Variants in MTMR2 observed in about 807,000 individuals in gnomAD.
The protein encoded by MTMR2 is phosphatidylinositol-3,5-bisphosphate 3-phosphatase MTMR2.
Under a neutral mutation model 86.9 loss-of-function variants are expected in MTMR2, and 55 were observed. The ratio of observed to expected loss-of-function variants is 0.63; its 90% CI spans 0.51 to 0.79. MTMR2 has a LOEUF of 0.79. Ranked by LOEUF, MTMR2 falls within the 30% of genes least tolerant of loss-of-function variation. MTMR2 has a pLI of 0.00. For synonymous variants in MTMR2, 241 were observed against 266.8 expected (o/e 0.90, Z 0.94); for missense variants, 659 against 772.3 (o/e 0.85, Z 1.74).
intron 5 of MTMR2, 93 bp from the exon 6 acceptor site, chr11:95,858,725 G>C: frequency 1.2e-6 from 1 of 855,280 alleles, no homozygotes; most frequent in Non-Finnish European, 1.9e-6. Flanking sequence ...AAAATGTTAA[G>C]ATCTGTGAAT....
chr11:95,834,912 A>AAAAC lies in MTMR2; in HGVS notation c.*374_*377dup, dbSNP rs1362993204. The stretch of plus-strand genomic sequence containing the variant: ...GCCACAGAATTTCAGTGTTGGTTTG[A>AAAAC]AAACTGATGTTCCTCTGCACAGTGA... On this transcript the variant is annotated 3_prime_UTR_variant, in exon 15 of 15. Coordinates refer to ENST00000346299, the MANE Select transcript of MTMR2 (RefSeq NM_016156.6). 1 of 244,456 alleles carries AAAAC rather than the reference A, an allele frequency of 4.1e-6. No individual in the cohort carries two copies. Among genetic ancestry groups the AAAAC allele is most frequent in the Admixed American group, 4.9e-5 (1 of 20,250 alleles). The allele number at this position is 244,456 out of a possible 1,614,324, so 15.1% of individuals were successfully genotyped here.
At chr11:95,897,657 T>G (rs1431631908) in intron 1 of MTMR2, among the ~76,000 whole-genome samples, 3 of 152,160 alleles carry the variant, frequency 2.0e-5, no homozygotes, top group Admixed American at 2.0e-4. Context: ...TATCAGAAAC[T>G]ACACCTATTT....
At chr11:95,880,934 T>G (rs1390587771) in intron 2 of MTMR2, among the ~76,000 whole-genome samples, 1 of 152,076 alleles carries the variant, frequency 6.6e-6, no homozygotes, top group Non-Finnish European at 1.5e-5. Flanking sequence ...GTTGGTAAAT[T>G]TTAGCACAAT....
intron 3 of MTMR2, 128 bp downstream of exon 3, chr11:95,865,473 G>A (rs1197646943): frequency 2.1e-5 from 18 of 864,982 alleles, no homozygotes; most frequent in Non-Finnish European, 2.8e-5. Context: ...TGAGAAGACT[G>A]CAGGTAAAGA....
chr11:95,855,748 T>C (rs1031368413), intron 7 of MTMR2, among the ~76,000 whole-genome samples: 6 of 152,202 alleles, frequency 3.9e-5, no homozygotes, highest in Non-Finnish European at 8.8e-5. Context: ...ACAAAGTGCC[T>C]TTCTATATGT....
At chr11:95,836,655 A>T (rs1459485539) in intron 13 of MTMR2, among the ~76,000 whole-genome samples, 1 of 152,048 alleles carries the variant, frequency 6.6e-6, no homozygotes, top group East Asian at 1.9e-4. Flanking sequence ...AAGTCCATCA[A>T]CTGACGAATG....
chr11:95,849,595 T>G, intron 9 of MTMR2, 79 bp downstream of exon 9: 2 of 1,278,356 alleles, frequency 1.6e-6, no homozygotes, highest in Non-Finnish European at 2.3e-6. Flanking sequence ...GAGCCTGAGC[T>G]CTTTTTACTA....
intron 2 of MTMR2, among the ~76,000 whole-genome samples, chr11:95,885,178 C>T (rs1214109424): frequency 6.6e-6 from 1 of 152,086 alleles, no homozygotes; most frequent in Non-Finnish European, 1.5e-5. Context: ...TTACGTCTAA[C>T]GTTAAACCTG....
chr11:95,861,959 C>A, intron 5 of MTMR2, 33 bp downstream of exon 5: 1 of 1,488,760 alleles, frequency 6.7e-7, no homozygotes, highest in South Asian at 1.1e-5. Context: ...CTTTTCAAAC[C>A]AAAGAAAATC....
At chr11:95,871,967 C>T (rs972024720) in intron 2 of MTMR2, among the ~76,000 whole-genome samples, 1 of 152,114 alleles carries the variant, frequency 6.6e-6, no homozygotes, top group African/African-American at 2.4e-5. Context: ...AGCCAGTTTT[C>T]CCAGCACTGT....
At chr11:95,843,672 A>G (rs1233438070) in intron 11 of MTMR2, among the ~76,000 whole-genome samples, 1 of 152,212 alleles carries the variant, frequency 6.6e-6, no homozygotes, top group Non-Finnish European at 1.5e-5. Context: ...GCTATCTTCT[A>G]TTAAGCCAAA....
intron 1 of MTMR2, among the ~76,000 whole-genome samples, chr11:95,910,147 A>ACC (rs1555074856): frequency 1.1e-4 from 17 of 150,788 alleles, no homozygotes; most frequent in South Asian, 2.1e-4. Context: ...ACACACACAC[A>ACC]CCCTACATGA....
intron 8 of MTMR2, 68 bp from the exon 9 acceptor site, chr11:95,849,930 C>T: frequency 1.4e-6 from 2 of 1,384,672 alleles, no homozygotes; most frequent in South Asian, 1.2e-5. Flanking sequence ...AAAAACAGTA[C>T]TCAGTAAAGC....
At chr11:95,876,905 A>T (rs1216576992) in intron 2 of MTMR2, among the ~76,000 whole-genome samples, 5 of 152,122 alleles carry the variant, frequency 3.3e-5, no homozygotes, top group Non-Finnish European at 7.4e-5. Context: ...ATTACTATAA[A>T]CTCGATCTAG....
chr11:95,877,608 A>G (rs1429599770), intron 2 of MTMR2, among the ~76,000 whole-genome samples: 1 of 152,058 alleles, frequency 6.6e-6, no homozygotes, highest in African/African-American at 2.4e-5. Context: ...TGCAGATATA[A>G]TTAGTTAAGA....
chr11:95,881,874 AATC>A (rs1865335429), intron 2 of MTMR2, among the ~76,000 whole-genome samples: 1 of 152,188 alleles, frequency 6.6e-6, no homozygotes, highest in East Asian at 1.9e-4. Flanking sequence ...TAGCGATAGT[AATC>A]ATCATGTTTC....
chr11:95,909,951 T>C (rs964271952), intron 1 of MTMR2, among the ~76,000 whole-genome samples: 6 of 152,088 alleles, frequency 3.9e-5, no homozygotes, highest in Non-Finnish European at 8.8e-5. Context: ...GCCCTAAAAG[T>C]ACTTTTCATT....
At chr11:95,857,751 T>C in intron 6 of MTMR2, 116 bp from the exon 7 acceptor site, 2 of 694,354 alleles carry the variant, frequency 2.9e-6, no homozygotes, top group Non-Finnish European at 5.2e-6. Context: ...ACATTTTATG[T>C]ATTAGCATCC....
intron 1 of MTMR2, among the ~76,000 whole-genome samples, chr11:95,923,219 C>T (rs1290615622): frequency 6.6e-6 from 1 of 152,150 alleles, no homozygotes; most frequent in Non-Finnish European, 1.5e-5. Flanking sequence ...AAGAAAACTA[C>T]CACTCATTTT....
Sources: gnomAD v4.1 joint callset for allele counts (sites outside exome capture counted in the v4.1 genomes callset) on GRCh38, gnomAD v4.1.1 for gene constraint, MANE v1.5 for transcripts, NCBI Gene and HGNC (gene_info 2026-07-23, HGNC 2026-07-21) for gene names.